Variants in PTCHD1 observed in about 807,000 individuals in gnomAD.
PTCHD1 encodes the protein patched domain-containing protein 1.
In PTCHD1, 3 loss-of-function variants were observed where a neutral mutation model predicts 34.6. That is an observed-to-expected ratio of 0.09 (90% CI 0.04 to 0.22). PTCHD1 has a LOEUF of 0.22. Ranked by LOEUF, PTCHD1 falls within the 10% of genes least tolerant of loss-of-function variation. The probability of loss-of-function intolerance (pLI) is 1.00; values close to 1 mark genes in which losing one functional copy is unlikely to be tolerated. For missense variants in PTCHD1, 504 were observed against 685.5 expected, an observed-to-expected ratio of 0.74 and a Z score of 2.96; for synonymous variants, 305 against 283.1, an observed-to-expected ratio of 1.08 and a Z score of -0.77.
chrX:23,338,674 A>T (rs777475255), intron 1 of PTCHD1, among the ~76,000 whole-genome samples: 89 of 112,406 alleles, frequency 7.9e-4, no homozygotes, highest in Non-Finnish European at 1.3e-3. Context: ...AAAAAATACA[A>T]GGCTAGAACC....
At position 23,397,772 on chromosome X, in the gene PTCHD1, A is replaced by G. The variant is rs3810719; in HGVS notation, c.*3587A>G. On this transcript the variant is annotated 3_prime_UTR_variant, in exon 3 of 3. Coordinates refer to ENST00000379361, the MANE Select transcript of PTCHD1 (RefSeq NM_173495.3). Reference sequence around the variant, plus strand: ...ATGATACCACTTTTCTCCAGTGTCAATGACAGAGCTCAGCTGTGTCCATCA... The same window carrying G: ...ATGATACCACTTTTCTCCAGTGTCAGTGACAGAGCTCAGCTGTGTCCATCA... The G allele has an allele frequency of 0.47, 51,252 of 109,781 alleles. 8,652 individuals carry two copies. The highest frequency in any genetic ancestry group is 0.6 in the East Asian group (2,063 of 3,447). The allele number at this position is 109,781 out of a possible 1,213,427, so 9.0% of individuals were successfully genotyped here. A position where few individuals can be genotyped will look rare whatever the true frequency, so the allele number is the denominator to read the frequency against.
At position 23,401,023 on chromosome X, in the gene PTCHD1, T is replaced by TTTTG. The variant is rs1555913125; in HGVS notation, c.*6839_*6840insTTGT. ...GGTGCCCGCCACCGCGCCCGGCTAA[T>TTTTG]TGTGTGTGTGTGTGTGTGTGTGTGT... On this transcript the variant is annotated 3_prime_UTR_variant, in exon 3 of 3. Coordinates refer to ENST00000379361, the MANE Select transcript of PTCHD1 (RefSeq NM_173495.3). 2 of 94,486 alleles carry TTTTG rather than the reference T, an allele frequency of 2.1e-5. No individual in the cohort carries two copies. The highest frequency in any genetic ancestry group is 8.2e-5 in the African/African-American group (2 of 24,501). 7.8% of individuals were successfully genotyped at this position (94,486 alleles called of 1,213,427 possible).
chrX:23,337,691 C>T (rs1358976841), intron 1 of PTCHD1, among the ~76,000 whole-genome samples: 3 of 111,231 alleles, frequency 2.7e-5, no homozygotes, highest in Non-Finnish European at 3.8e-5. Context: ...CAGTCCCTGC[C>T]CCCTGCCGGT....
rs1052857609 is a variant in PTCHD1, at chrX:23,353,811, A to C, written c.351+18585A>C. ...ATGAAGGGTAGATGGAAAGCAAAAA[A>C]AGCTAAGTTAGGAAGCTGTTTCTGC... On this transcript the variant is annotated intron_variant, in intron 1 of 2. Transcript: ENST00000379361. Among the ~76,000 whole-genome samples the C allele has an allele frequency of 3.6e-5, 4 of 111,738 alleles. No individual in the cohort carries two copies. In the Admixed American group the frequency reaches 3.8e-4, roughly 11 times the overall value.
chrX:23,367,476 A>G (rs1922177123), intron 1 of PTCHD1, among the ~76,000 whole-genome samples: 1 of 112,028 alleles, frequency 8.9e-6, no homozygotes, highest in South Asian at 3.7e-4. Context: ...TATCACTTCC[A>G]AAAGCCACAT....
intron 1 of PTCHD1, among the ~76,000 whole-genome samples, chrX:23,350,672 G>C (rs1431530379): frequency 9.0e-6 from 1 of 111,369 alleles, no homozygotes; most frequent in Non-Finnish European, 1.9e-5. Context: ...CATGGAGGTG[G>C]AATTCATTGC....
intron 1 of PTCHD1, among the ~76,000 whole-genome samples, chrX:23,375,511 C>T (rs894758332): frequency 9.1e-6 from 1 of 110,357 alleles, no homozygotes; most frequent in East Asian, 2.9e-4. Context: ...GATCTCCTGA[C>T]CTCGTGATCC....
In PTCHD1 at chrX:23,360,869, A is replaced by AC. The variant is rs760264067; in HGVS notation, c.352-18722_352-18721insC. Among the ~76,000 whole-genome samples, 8 of 112,374 alleles carry AC rather than the reference A, an allele frequency of 7.1e-5. No homozygotes were observed. In the South Asian group the frequency reaches 3.0e-3, roughly 42 times the overall value. ...TTGTGTCTTTGTTCTCATTGGTTTCAAAGAACATCTTTATTTCTGCCTTCA... is the reference window on the plus strand; with the variant it reads ...TTGTGTCTTTGTTCTCATTGGTTTCACAAGAACATCTTTATTTCTGCCTTCA... On this transcript the variant is annotated intron_variant, in intron 1 of 2. Transcript: ENST00000379361.
upstream of PTCHD1, chrX:23,334,763 C>CGTCGCCGCCGCCGCGGGCGCCGCT (rs1203348159): frequency 6.3e-6 from 1 of 159,065 alleles, no homozygotes; most frequent in African/African-American, 3.4e-5. Flanking sequence ...CCGCCGCCGC[C>CGTCGCCGCCGCCGCGGGCGCCGCT]GTCGCCGCCG....
chrX:23,335,324 G>T (rs1404283279), intron 1 of PTCHD1, 98 bp downstream of exon 1: 1 of 704,680 alleles, frequency 1.4e-6, no homozygotes, highest in Non-Finnish European at 2.2e-6. Flanking sequence ...ACCTCTCCTA[G>T]CCCAGGCAGC....
chrX:23,347,092 T>G (rs926637832), intron 1 of PTCHD1, among the ~76,000 whole-genome samples: 1 of 112,000 alleles, frequency 8.9e-6, no homozygotes, highest in Admixed American at 9.5e-5. Context: ...TATCCTAGGT[T>G]CTTTCCCATT....
chrX:23,337,170 T>A (rs187946976), intron 1 of PTCHD1, among the ~76,000 whole-genome samples: 1 of 112,211 alleles, frequency 8.9e-6, no homozygotes, highest in Non-Finnish European at 1.9e-5. Context: ...GGAGGCTTGG[T>A]TTGCCTCCAT....
At chrX:23,367,156 T>C (rs993079614) in intron 1 of PTCHD1, among the ~76,000 whole-genome samples, 17 of 112,333 alleles carry the variant, frequency 1.5e-4, no homozygotes, top group Non-Finnish European at 3.2e-4. Flanking sequence ...TAATGTTCTT[T>C]ATCTCTCCAG....
Position 23,342,330 on chromosome X carries a change from TTTA to T in PTCHD1, c.351+7105_351+7107del, listed in dbSNP as rs200578792. Among the ~76,000 whole-genome samples, 224 of 40,589 alleles carry T rather than the reference TTTA, an allele frequency of 5.5e-3. 2 individuals are homozygous for T. The highest frequency in any genetic ancestry group is 0.051 in the Middle Eastern group (5 of 98). 35.2% of individuals were successfully genotyped at this position (40,589 alleles called of 115,157 possible). A position where few individuals can be genotyped will look rare whatever the true frequency, so the allele number is the denominator to read the frequency against. On this transcript the variant is annotated intron_variant, in intron 1 of 2. Coordinates refer to ENST00000379361, the MANE Select transcript of PTCHD1 (RefSeq NM_173495.3). ...TATATATTTTTTTTTTTTTTTTTTT[TTTA>T]AAAGAATTGGGTACAGAGCTACAGG...
At position 23,380,145 on chromosome X, in the gene PTCHD1, C is replaced by T. The variant is rs749397302; in HGVS notation, c.906C>T (p.Leu302=). The T allele has an allele frequency of 8.3e-6, 10 of 1,209,649 alleles. No individual in the cohort carries two copies. Among genetic ancestry groups the T allele is most frequent in the Admixed American group, 2.2e-5 (1 of 45,840 alleles). ...GCAGCAAACCCTGGCTAGGCCTGCT[C>T]GGATTGGTGACCATAAGCCTGGCCA... The part of the protein sequence containing the change: ...CVRSKPWLGL[L]GLVTISLATL... Residue 302 remains leucine, a synonymous_variant, in exon 2 of 3, where the codon CTC becomes CTT. Transcript: ENST00000379361.
intron 1 of PTCHD1, among the ~76,000 whole-genome samples, chrX:23,342,266 C>CATATATATATATATA (rs1921331408): frequency 3.2e-5 from 1 of 31,263 alleles, no homozygotes; most frequent in Non-Finnish European, 6.0e-5. Context: ...GTGTTTCTCC[C>CATATATATATATATA]TATATATATA....
intron 2 of PTCHD1, among the ~76,000 whole-genome samples, chrX:23,391,541 C>G (rs1299848056): frequency 9.0e-6 from 1 of 111,286 alleles, no homozygotes; most frequent in Non-Finnish European, 1.9e-5. Flanking sequence ...GCTTCCTGCC[C>G]TGATATTTGG....
At chrX:23,341,660 T>G (rs765216783) in intron 1 of PTCHD1, among the ~76,000 whole-genome samples, 1 of 112,357 alleles carries the variant, frequency 8.9e-6, no homozygotes, top group African/African-American at 3.2e-5. Context: ...CCAGACTGAT[T>G]TAATGACCAG....
intron 1 of PTCHD1, among the ~76,000 whole-genome samples, chrX:23,378,487 G>A (rs1269101855): frequency 8.9e-6 from 1 of 112,134 alleles, no homozygotes; most frequent in East Asian, 2.8e-4. Context: ...ACTTTTAGGA[G>A]TGGGGCAGTA....
Sources: gnomAD v4.1 joint callset for allele counts (sites outside exome capture counted in the v4.1 genomes callset) on GRCh38, gnomAD v4.1.1 for gene constraint, MANE v1.5 for transcripts, NCBI Gene and HGNC (gene_info 2026-07-23, HGNC 2026-07-21) for gene names.